SCN10A: variants seen among roughly 807,000 people sequenced by gnomAD.
SCN10A encodes the protein sodium voltage-gated channel alpha subunit 10.
In SCN10A, 162 loss-of-function variants were observed where a neutral mutation model predicts 170.7. That is an observed-to-expected ratio of 0.95 (90% CI 0.84 to 1.08). The LOEUF (loss-of-function observed/expected upper bound fraction) is 1.08. Ranked by LOEUF, SCN10A falls within the 50% of genes least tolerant of loss-of-function variation. The pLI is 0.00. For missense variants in SCN10A, 2,527 were observed against 2,436.9 expected (o/e 1.04, Z -0.78); for synonymous variants, 985 against 904.6 (o/e 1.09, Z -1.59).
chr3:38,785,282 A>G (rs1315344041), intron 4 of SCN10A, among the ~76,000 whole-genome samples: 1 of 152,200 alleles, frequency 6.6e-6, no homozygotes, highest in Non-Finnish European at 1.5e-5. Flanking sequence ...ACCAAAACAG[A>G]TATCTAGACC....
intron 13 of SCN10A, among the ~76,000 whole-genome samples, chr3:38,746,300 T>G (rs2063690099): frequency 1.3e-5 from 2 of 151,626 alleles, no homozygotes; most frequent in African/African-American, 2.4e-5. Flanking sequence ...CAGCATATCT[T>G]AAGGCACTTA....
At chr3:38,775,650 C>CAT (rs1464352056) in intron 4 of SCN10A, among the ~76,000 whole-genome samples, 1 of 152,050 alleles carries the variant, frequency 6.6e-6, no homozygotes, top group African/African-American at 2.4e-5. Flanking sequence ...GAGTCTTTCC[C>CAT]ATATATATAG....
chr3:38,724,125 T>G (rs2125998999), intron 18 of SCN10A, among the ~76,000 whole-genome samples: 1 of 152,342 alleles, frequency 6.6e-6, no homozygotes, highest in Non-Finnish European at 1.5e-5. Context: ...GACATCCACG[T>G]GCAGAATGTG....
chr3:38,723,155 A>G (rs1207071303), intron 19 of SCN10A, among the ~76,000 whole-genome samples: 1 of 152,036 alleles, frequency 6.6e-6, no homozygotes, highest in Non-Finnish European at 1.5e-5. Flanking sequence ...TCAACTCAAG[A>G]GGGCTGGTTT....
chr3:38,771,213 G>A (rs1254172141), intron 5 of SCN10A, 66 bp downstream of exon 5: 2 of 1,574,644 alleles, frequency 1.3e-6, no homozygotes, highest in African/African-American at 2.7e-5. Flanking sequence ...TGTTAGCCCT[G>A]TCTCCTACCC....
chr3:38,805,228 T>C (rs917521900), intron 1 of SCN10A, among the ~76,000 whole-genome samples: 2 of 152,146 alleles, frequency 1.3e-5, no homozygotes, highest in South Asian at 2.1e-4. Context: ...ACTGAGAATG[T>C]GGTTGGACCT....
Position 38,757,241 on chromosome 3 carries a change from T to G in SCN10A, c.951-82A>C, listed in dbSNP as rs953484988. Reference sequence around the variant, plus strand: ...GCTGCGAGACAACCACAGAGTTTTATGTCAGAGATCAGAGTTCAAGACCTA... The same window carrying G: ...GCTGCGAGACAACCACAGAGTTTTAGGTCAGAGATCAGAGTTCAAGACCTA... On this transcript the variant is annotated intron_variant, in intron 8 of 27. Transcript: ENST00000449082. 12 of 1,394,760 alleles carry G rather than the reference T, an allele frequency of 8.6e-6. No homozygotes were observed. In the Admixed American group the frequency reaches 2.3e-4, roughly 26 times the overall value. 86.4% of individuals were successfully genotyped at this position (1,394,760 alleles called of 1,614,324 possible). A position where few individuals can be genotyped will look rare whatever the true frequency, so the allele number is the denominator to read the frequency against.
chr3:38,734,227 G>A (rs2063537993), intron 15 of SCN10A, among the ~76,000 whole-genome samples: 1 of 152,036 alleles, frequency 6.6e-6, no homozygotes, highest in African/African-American at 2.4e-5. Context: ...TTCTCCTGTT[G>A]GCCAGGCTGG....
At chr3:38,711,922 C>T (rs1006726355) in intron 23 of SCN10A, among the ~76,000 whole-genome samples, 2 of 152,200 alleles carry the variant, frequency 1.3e-5, no homozygotes, top group African/African-American at 4.8e-5. Context: ...CCATGGCAGG[C>T]CCATCCCTTT....
chr3:38,744,844 A>G lies in SCN10A; in HGVS notation c.1868-2315T>C, dbSNP rs146504454. Among the ~76,000 whole-genome samples the G allele has an allele frequency of 6.9e-4, 105 of 152,334 alleles. 1 individual carries two copies. The East Asian group carries it at 0.018, about 26-fold the overall frequency. ...CATTTATGTTCATGTGTTTTCATATACACATGTCCATTTCTCTTCCACAGA... is the reference window on the plus strand; with the variant it reads ...CATTTATGTTCATGTGTTTTCATATGCACATGTCCATTTCTCTTCCACAGA... On this transcript the variant is annotated intron_variant, in intron 13 of 27. Transcript: ENST00000449082.
intron 21 of SCN10A, among the ~76,000 whole-genome samples, chr3:38,717,638 G>T (rs111749887): frequency 6.6e-6 from 1 of 152,208 alleles, no homozygotes; most frequent in African/African-American, 2.4e-5. Flanking sequence ...AGCACAGGAG[G>T]CTGGACAGAA....
intron 27 of SCN10A, among the ~76,000 whole-genome samples, chr3:38,700,268 G>A (rs1169479774): frequency 6.6e-6 from 1 of 152,172 alleles, no homozygotes; most frequent in East Asian, 1.9e-4. Flanking sequence ...ATAGAATGGT[G>A]GTTTCCAGGA....
chr3:38,713,688 A>G (rs535981759), intron 22 of SCN10A, among the ~76,000 whole-genome samples: 6 of 152,176 alleles, frequency 3.9e-5, no homozygotes, highest in African/African-American at 1.4e-4. Flanking sequence ...TGCAGACCAG[A>G]GAAGTTTTTT....
At chr3:38,755,569 T>C (rs2063794355) in intron 11 of SCN10A, among the ~76,000 whole-genome samples, 1 of 152,152 alleles carries the variant, frequency 6.6e-6, no homozygotes, top group African/African-American at 2.4e-5. Context: ...CCCAATCTTG[T>C]TGATCCACTT....
intron 13 of SCN10A, among the ~76,000 whole-genome samples, chr3:38,748,932 C>T (rs1411109818): frequency 1.3e-5 from 2 of 152,118 alleles, no homozygotes; most frequent in African/African-American, 4.8e-5. Context: ...CAGTTTACAC[C>T]ACTATAAAGT....
At chr3:38,752,924 G>C (rs1291073375) in intron 11 of SCN10A, among the ~76,000 whole-genome samples, 4 of 152,192 alleles carry the variant, frequency 2.6e-5, no homozygotes, top group African/African-American at 9.7e-5. Context: ...ACCAGTACTG[G>C]AACATACTTG....
intron 6 of SCN10A, 106 bp downstream of exon 6, chr3:38,763,399 G>T: frequency 1.2e-6 from 1 of 863,260 alleles, no homozygotes; most frequent in East Asian, 2.4e-5. Flanking sequence ...TGTCTTGTAA[G>T]TGGGGACAAT....
At chr3:38,778,704 G>A (rs1190862896) in intron 4 of SCN10A, among the ~76,000 whole-genome samples, 1 of 152,000 alleles carries the variant, frequency 6.6e-6, no homozygotes, top group African/African-American at 2.4e-5. Context: ...CATGATCTTT[G>A]GAGCCCCAGT....
At position 38,793,811 on chromosome 3, in the gene SCN10A, T is replaced by C. The variant is rs1308883210; in HGVS notation, c.200A>G (p.Tyr67Cys). The change falls in exon 2 of 28, where the codon TAT becomes TGT. Residue 67 changes from tyrosine to cysteine, a missense_variant. Tyr to Cys is a radical substitution (Grantham distance 194, BLOSUM62 -2). Coordinates refer to ENST00000449082, the MANE Select transcript of SCN10A (RefSeq NM_006514.4). ...LKACNQLPKF[Y>C]GELPAELIGE... ...GATCAGTTCTGCTGGGAGCTCACCA[T>C]AGAACTTGGGCAGCTGGTTGCAGGC... The C allele has an allele frequency of 1.9e-6, 3 of 1,613,866 alleles. No homozygotes were observed. The highest frequency in any genetic ancestry group is 2.7e-5 in the African/African-American group (2 of 74,886).
Sources: gnomAD v4.1 joint callset for allele counts (sites outside exome capture counted in the v4.1 genomes callset) on GRCh38, gnomAD v4.1.1 for gene constraint, MANE v1.5 for transcripts, NCBI Gene and HGNC (gene_info 2026-07-23, HGNC 2026-07-21) for gene names.